SRFBP1: variants seen among roughly 807,000 people sequenced by gnomAD.
SRFBP1 encodes the protein serum response factor-binding protein 1.
Under a neutral mutation model 45.5 loss-of-function variants are expected in SRFBP1, and 47 were observed. The ratio of observed to expected loss-of-function variants is 1.03; its 90% CI spans 0.82 to 1.32. The LOEUF is 1.32. SRFBP1 is among the 40% of genes most tolerant of loss of function. The pLI is 0.00. For missense variants in SRFBP1, 621 were observed against 484.6 expected, an observed-to-expected ratio of 1.28 and a Z score of -2.64; for synonymous variants, 203 against 166.3, an observed-to-expected ratio of 1.22 and a Z score of -1.70.
Position 122,043,158 on chromosome 5 carries a change from A to G in SRFBP1, n.311+20751A>G, listed in dbSNP as rs76311677. Among the ~76,000 whole-genome samples the G allele has an allele frequency of 7.3e-3, 1,108 of 152,194 alleles. 6 individuals carry two copies. Among genetic ancestry groups the G allele is most frequent in the Non-Finnish European group, 0.012 (824 of 68,000 alleles). ...TCTTAAATAATAGTCTAATAGGGTC[A>G]TGAGACTTATTTCCTTCTGTTACTA... On this transcript the variant is annotated intron_variant and non_coding_transcript_variant, in intron 2 of 2. Coordinates refer to the SRFBP1 transcript ENST00000504881.
intron 4 of SRFBP1, among the ~76,000 whole-genome samples, chr5:122,015,346 G>A (rs1753174933): frequency 6.6e-6 from 1 of 152,208 alleles, no homozygotes; most frequent in South Asian, 2.1e-4. Flanking sequence ...GGCAACAGAA[G>A]TCTGTCATGG....
chr5:122,009,995 A>T (rs1753057558), intron 4 of SRFBP1, among the ~76,000 whole-genome samples: 1 of 151,960 alleles, frequency 6.6e-6, no homozygotes, highest in Non-Finnish European at 1.5e-5. Context: ...TTCCCTTCCC[A>T]CTAACTCTGC....
At chr5:121,987,725 A>G (rs1452464280) in intron 3 of SRFBP1, among the ~76,000 whole-genome samples, 1 of 152,172 alleles carries the variant, frequency 6.6e-6, no homozygotes, top group African/African-American at 2.4e-5. Flanking sequence ...AACATGTTTT[A>G]TATTTTATTA....
downstream of SRFBP1, chr5:122,077,669 G>C: frequency 6.2e-7 from 1 of 1,604,420 alleles, no homozygotes; most frequent in South Asian, 1.1e-5. This position sits in a 1 kb window ranked among gnomAD's most constrained non-coding sequence, Gnocchi z 4.9. Context: ...TGAGCCGGCC[G>C]TCCGCGTTCG....
chr5:121,963,223 AG>A (rs1751988439), intron 1 of SRFBP1, among the ~76,000 whole-genome samples: 1 of 152,240 alleles, frequency 6.6e-6, no homozygotes, highest in Non-Finnish European at 1.5e-5. Flanking sequence ...GAGATGAAGA[AG>A]GAAATAAAAC....
intron 2 of SRFBP1, among the ~76,000 whole-genome samples, chr5:122,046,424 A>G (rs951710348): frequency 1.3e-4 from 20 of 152,038 alleles, no homozygotes; most frequent in African/African-American, 4.1e-4. Flanking sequence ...TATGTGCCAC[A>G]TTTTCTTAAT....
chr5:122,020,212 G>A lies in SRFBP1; in HGVS notation c.477G>A (p.Gln159=). ...CAAATGATAATGGAAGTAATTTACA[G>A]CGTGAAGCAACTGTCATCAGTGAGC... ...LYSNDNGSNL[Q]REATVISEQK... The change falls in exon 6 of 8, where the codon CAG becomes CAA. Residue 159 remains glutamine, a synonymous_variant. Coordinates refer to ENST00000339397, the MANE Select transcript of SRFBP1 (RefSeq NM_152546.3). The A allele has an allele frequency of 6.2e-7, 1 of 1,613,544 alleles. No homozygotes were observed. Among genetic ancestry groups the A allele is most frequent in the African/African-American group, 1.3e-5 (1 of 75,006 alleles).
At chr5:121,964,430 G>C (rs1411087692) in intron 1 of SRFBP1, among the ~76,000 whole-genome samples, 3 of 152,114 alleles carry the variant, frequency 2.0e-5, no homozygotes, top group African/African-American at 7.2e-5. Flanking sequence ...ACTTATGAGT[G>C]AGAACATGCA....
At chr5:122,072,391 A>T (rs1235306131) in intron 2 of SRFBP1, among the ~76,000 whole-genome samples, 1 of 152,246 alleles carries the variant, frequency 6.6e-6, no homozygotes, top group African/African-American at 2.4e-5. Flanking sequence ...TCTCTAAATC[A>T]GCAATTTGAG....
intron 3 of SRFBP1, among the ~76,000 whole-genome samples, chr5:121,990,734 T>C (rs1208533680): frequency 6.6e-6 from 1 of 152,236 alleles, no homozygotes; most frequent in African/African-American, 2.4e-5. Flanking sequence ...TCCATTTTTC[T>C]GTCAAGAATA....
At chr5:121,987,602 C>T (rs112748239) in intron 3 of SRFBP1, among the ~76,000 whole-genome samples, 2 of 151,970 alleles carry the variant, frequency 1.3e-5, no homozygotes, top group African/African-American at 4.8e-5. Flanking sequence ...TCAAATAGAC[C>T]AAAAATTTAG....
downstream of SRFBP1, chr5:122,078,134 G>T: frequency 1.5e-6 from 1 of 686,042 alleles, no homozygotes; most frequent in Non-Finnish European, 2.2e-6. Context: ...GCAATGCCAA[G>T]GGTGGGATTC....
chr5:121,993,412 AC>A (rs1441276776), intron 3 of SRFBP1, among the ~76,000 whole-genome samples: 2 of 152,154 alleles, frequency 1.3e-5, no homozygotes, highest in East Asian at 3.9e-4. Flanking sequence ...ATCATCACAA[AC>A]CATGAAATAT....
At chr5:121,984,919 A>C (rs1329933857) in intron 3 of SRFBP1, among the ~76,000 whole-genome samples, 1 of 151,848 alleles carries the variant, frequency 6.6e-6, no homozygotes, top group African/African-American at 2.4e-5. Flanking sequence ...CAAAAGACAG[A>C]AGTTTTACCT....
At chr5:121,975,462 T>A in intron 3 of SRFBP1, 75 bp downstream of exon 3, 1 of 1,518,254 alleles carries the variant, frequency 6.6e-7, no homozygotes, top group African/African-American at 1.4e-5. Context: ...TTGTGTGTGG[T>A]ATTGCTTATT....
intron 7 of SRFBP1, 123 bp downstream of exon 7, chr5:122,022,530 A>G (rs1753382950): frequency 2.8e-6 from 2 of 726,286 alleles, no homozygotes; most frequent in African/African-American, 1.8e-5. Flanking sequence ...AGAAATGTTA[A>G]CAGAGCATCT....
intron 2 of SRFBP1, among the ~76,000 whole-genome samples, chr5:121,974,705 A>G (rs1239115184): frequency 6.6e-6 from 1 of 151,910 alleles, no homozygotes; most frequent in Non-Finnish European, 1.5e-5. Flanking sequence ...TCAGTACCTT[A>G]TGAAAGTGTT....
At chr5:122,031,898 A>T (rs140868102), downstream of SRFBP1, among the ~76,000 whole-genome samples, 181 of 152,362 alleles carry the variant, frequency 1.2e-3, no homozygotes, top group African/African-American at 4.0e-3. Context: ...ATATGGTTCC[A>T]CTTACATGCA....
At chr5:121,975,168 G>A in intron 2 of SRFBP1, 147 bp from the exon 3 acceptor site, 1 of 782,978 alleles carries the variant, frequency 1.3e-6, no homozygotes, top group East Asian at 2.8e-5. Flanking sequence ...TTGGGAGTGG[G>A]GGAAATGGAC....
Sources: gnomAD v4.1 joint callset for allele counts (sites outside exome capture counted in the v4.1 genomes callset) on GRCh38, gnomAD v4.1.1 for gene constraint, Gnocchi (gnomAD v3.1) non-coding constraint, MANE v1.5 for transcripts, NCBI Gene and HGNC (gene_info 2026-07-23, HGNC 2026-07-21) for gene names.